Variants in MRPL30 observed in about 807,000 individuals in gnomAD.
MRPL30 encodes the protein large ribosomal subunit protein uL30m.
MRPL30 carries 10 observed loss-of-function variants against 17.2 expected under a neutral mutation model. The ratio of observed to expected loss-of-function variants is 0.58; its 90% CI spans 0.36 to 0.99. The LOEUF (loss-of-function observed/expected upper bound fraction) is 0.99. Ranked by LOEUF, MRPL30 falls within the 50% of genes least tolerant of loss-of-function variation. The pLI, the probability that MRPL30 is intolerant of heterozygous loss-of-function variation, is 0.01. For synonymous variants in MRPL30, 61 were observed against 62.1 expected (o/e 0.98, Z 0.08); for missense variants, 170 against 189.8 (o/e 0.90, Z 0.61).
intron 3 of MRPL30, 60 bp from the exon 4 acceptor site, chr2:99,194,691 G>A: frequency 1.4e-6 from 2 of 1,443,168 alleles, no homozygotes; most frequent in Admixed American, 2.4e-5. Context: ...AGAAAAAATG[G>A]GAGGTACACA....
At chr2:99,191,339 C>T (rs552866132) in intron 3 of MRPL30, among the ~76,000 whole-genome samples, 1 of 152,298 alleles carries the variant, frequency 6.6e-6, no homozygotes, top group Admixed American at 6.5e-5. Context: ...CTGTATTCTC[C>T]TGTATTCTCA....
chr2:99,181,380 C>T (rs891035252), intron 1 of MRPL30, 131 bp downstream of exon 1: 7 of 160,744 alleles, frequency 4.4e-5, no homozygotes, highest in Non-Finnish European at 8.3e-5. Flanking sequence ...AATGGGTCTG[C>T]CCCTGATCCC....
chr2:99,198,748 C>T lies in MRPL30; in HGVS notation c.*3043C>T, dbSNP rs551671395. On this transcript the variant is annotated 3_prime_UTR_variant, in exon 6 of 6. Coordinates refer to ENST00000338148, the MANE Select transcript of MRPL30 (RefSeq NM_145212.4). The stretch of plus-strand genomic sequence containing the variant: ...CAAAACCCTATAAGGGTTTGTTCCT[C>T]GGTCTTGACTTTGTGTCTTTGAGGA... Among the ~76,000 whole-genome samples, 2 of 152,128 alleles carry T rather than the reference C, an allele frequency of 1.3e-5. No homozygotes were observed. The highest frequency in any genetic ancestry group is 2.4e-5 in the African/African-American group (1 of 41,430).
intron 5 of MRPL30, 134 bp downstream of exon 5, chr2:99,195,323 A>G: frequency 1.1e-6 from 1 of 875,906 alleles, no homozygotes; most frequent in South Asian, 1.9e-5. Context: ...TTTTTAATTG[A>G]CACATAATAA....
In MRPL30 at chr2:99,188,224, TCA is replaced by T; in HGVS notation, c.102_103del (p.His34GlnfsTer17). The T allele has an allele frequency of 6.2e-7, 1 of 1,608,876 alleles. No individual in the cohort carries two copies. The highest frequency in any genetic ancestry group is 8.5e-7 in the Non-Finnish European group (1 of 1,178,282). ...ESLICTDWIR[H>X]KFTRSRIPEK... ...CTCTTATTTGTACAGATTGGATTCG[TCA>T]CAAATTCACCAGATCAAGAATTCCA... is the stretch of plus-strand genomic sequence containing the variant. On this transcript the variant is annotated frameshift_variant, in exon 3 of 6. Transcript: ENST00000338148. LOFTEE classifies it high-confidence loss of function.
intron 1 of MRPL30, 33 bp from the exon 2 acceptor site, chr2:99,186,144 T>A: frequency 6.8e-7 from 1 of 1,465,756 alleles, no homozygotes; most frequent in Non-Finnish European, 9.5e-7. Flanking sequence ...CAAGACATAG[T>A]TGACTGATGG....
chr2:99,185,259 G>A (rs1445668081), intron 1 of MRPL30, among the ~76,000 whole-genome samples: 1 of 152,168 alleles, frequency 6.6e-6, no homozygotes, highest in Admixed American at 6.5e-5. Flanking sequence ...AACTGGTCCA[G>A]TGTCAGAAAG....
At position 99,195,576 on chromosome 2, in the gene MRPL30, C is replaced by G; in HGVS notation, c.357C>G (p.Ile119Met). 6.3e-7 allele frequency: 1 copy of G among 1,599,332 alleles called. No homozygotes were observed. Among genetic ancestry groups the G allele is most frequent in the Non-Finnish European group, 8.5e-7 (1 of 1,176,590 alleles). ...AACGCATTTTCTTGTGTCACAGAAT[C>G]AAGCCCTTGAAGTTGCCACAAGGAC... ...KLKVVKHLIR[I>M]KPLKLPQGLP... is the part of the protein sequence containing the mutation. The change falls in exon 6 of 6, where the codon ATC becomes ATG. Residue 119 changes from isoleucine to methionine, a missense_variant. Physicochemically the swap from Ile to Met is conservative, Grantham distance 10. Coordinates refer to ENST00000338148, the MANE Select transcript of MRPL30 (RefSeq NM_145212.4).
chr2:99,186,139 C>A, intron 1 of MRPL30, 38 bp from the exon 2 acceptor site: 1 of 1,416,944 alleles, frequency 7.1e-7, no homozygotes. Context: ...ATTTCCAAGA[C>A]ATAGTTGACT....
At position 99,198,483 on chromosome 2, in the gene MRPL30, A is replaced by G. The variant is rs797020038; in HGVS notation, c.*2778A>G. Among the ~76,000 whole-genome samples the G allele has an allele frequency of 9.8e-5, 15 of 152,306 alleles. No homozygotes were observed. Among genetic ancestry groups the G allele is most frequent in the African/African-American group, 9.6e-5 (4 of 41,580 alleles). On this transcript the variant is annotated 3_prime_UTR_variant, in exon 6 of 6. Transcript: ENST00000338148. ...ACTCTTAGATAATCAAATAAATGCA[A>G]TCATGTGCCTCGTGTCACCTTTTTT...
At chr2:99,182,680 ACTCTGTC>A (rs2105239912) in intron 1 of MRPL30, among the ~76,000 whole-genome samples, 1 of 152,356 alleles carries the variant, frequency 6.6e-6, no homozygotes, top group African/African-American at 2.4e-5. Flanking sequence ...ACATAGCGAG[ACTCTGTC>A]TCTAAAAACT....
rs760506271 is a variant in MRPL30, at chr2:99,195,693, A to G, written c.474A>G (p.Ala158=). The change falls in exon 6 of 6, where the codon GCA becomes GCG. Residue 158 remains alanine, a synonymous_variant. Coordinates refer to ENST00000338148, the MANE Select transcript of MRPL30 (RefSeq NM_145212.4). ...QWHLKPVEQK[A]HES ...ATCTGAAACCTGTGGAGCAGAAAGC[A>G]CATGAGTCCTAATGCCCCAGCAGCT... 2 of 1,612,858 alleles carry G rather than the reference A, an allele frequency of 1.2e-6. No homozygotes were observed. Among genetic ancestry groups the G allele is most frequent in the Non-Finnish European group, 1.7e-6 (2 of 1,179,690 alleles).
rs1394089315 is a variant in MRPL30 at position 99,195,443 on chromosome 2, G to A, written c.354-130G>A. 6 of 1,097,550 alleles carry A rather than the reference G, an allele frequency of 5.5e-6. No homozygotes were observed. In the South Asian group the frequency reaches 7.9e-5, roughly 14 times the overall value. The allele number at this position is 1,097,550 out of a possible 1,614,324, so 68.0% of individuals were successfully genotyped here. ...TCTCAGACATTTACCATTTCTTCAT[G>A]TTGGGAACATTCAACATCCTCCTCC... On this transcript the variant is annotated intron_variant, in intron 5 of 5. Transcript: ENST00000338148.
chr2:99,182,859 AC>A (rs1281061612), intron 1 of MRPL30, among the ~76,000 whole-genome samples: 1 of 152,162 alleles, frequency 6.6e-6, no homozygotes, highest in Non-Finnish European at 1.5e-5. Context: ...AAATCTAAAA[AC>A]CCTTTTCCTA....
intron 1 of MRPL30, among the ~76,000 whole-genome samples, chr2:99,183,962 T>C (rs1478736480): frequency 6.6e-6 from 1 of 152,214 alleles, no homozygotes; most frequent in African/African-American, 2.4e-5. Context: ...TTTGAGGCAG[T>C]TAGGTGTTTG....
At chr2:99,186,783 G>T (rs1372555873) in intron 2 of MRPL30, 1 of 152,092 alleles carries the variant, frequency 6.6e-6, no homozygotes, top group East Asian at 1.9e-4. Flanking sequence ...TAAAGTTTTA[G>T]GTTGTTTTTC....
chr2:99,181,435 G>C (rs1031056889), intron 1 of MRPL30, among the ~76,000 whole-genome samples, 186 bp downstream of exon 1: 1 of 152,100 alleles, frequency 6.6e-6, no homozygotes, highest in South Asian at 2.1e-4. Context: ...GGATCCCCCC[G>C]TTTCCCAATT....
chr2:99,188,265 C>A lies in MRPL30; in HGVS notation c.132+8C>A. Reference sequence around the variant, plus strand: ...TCAAGAATTCCAGAAAAAGTAAGAACAAAGTTTGATTTTTTTAATGTTAGT... The same window carrying A: ...TCAAGAATTCCAGAAAAAGTAAGAAAAAAGTTTGATTTTTTTAATGTTAGT... On this transcript the variant is annotated splice_region_variant and intron_variant, in intron 3 of 5. Transcript: ENST00000338148. 1 of 1,592,540 alleles carries A rather than the reference C, an allele frequency of 6.3e-7. No homozygotes were observed. Among genetic ancestry groups the A allele is most frequent in the Non-Finnish European group, 8.5e-7 (1 of 1,169,824 alleles).
rs527425645 is a variant in MRPL30 at position 99,194,806 on chromosome 2, C to T, written c.188C>T (p.Pro63Leu). 4.4e-6 allele frequency: 7 copies of T among 1,599,880 alleles called. No individual in the cohort carries two copies. Among genetic ancestry groups the T allele is most frequent in the Middle Eastern group, 1.7e-4 (1 of 6,046 alleles). Reference sequence around the variant, plus strand: ...AAATACGGTGGGGATCCACAGAACCCTCATAAACTGCATATTGTTACCAGA... The same window carrying T: ...AAATACGGTGGGGATCCACAGAACCTTCATAAACTGCATATTGTTACCAGA... ...HEKYGGDPQN[P>L]HKLHIVTRIK... Residue 63 changes from proline to leucine, a missense_variant, in exon 4 of 6, where the codon CCT (proline) becomes CTT (leucine). Coordinates refer to ENST00000338148, the MANE Select transcript of MRPL30 (RefSeq NM_145212.4).
Sources: allele counts gnomAD v4.1 joint callset (sites outside exome capture counted in the v4.1 genomes callset), GRCh38; gene constraint gnomAD v4.1.1; transcripts MANE v1.5; gene names NCBI Gene and HGNC (gene_info 2026-07-23, HGNC 2026-07-21).